The following TSPAN18 variants were observed in gnomAD, a reference collection of about 807,000 sequenced individuals.
TSPAN18 encodes tetraspanin-18.
In TSPAN18, 14 loss-of-function variants were observed where a neutral mutation model predicts 27.3. The observed-to-expected ratio is 0.51, with a 90% confidence interval of 0.34 to 0.80. The LOEUF is 0.80. TSPAN18 is among the 30% of genes least tolerant of loss of function. The pLI is 0.01. For synonymous variants in TSPAN18, 143 were observed against 136.5 expected (o/e 1.05, Z -0.33); for missense variants, 268 against 323.9 (o/e 0.83, Z 1.32).
At chr11:44,911,365 G>T (rs1370370941) in intron 5 of TSPAN18, among the ~76,000 whole-genome samples, 1 of 152,162 alleles carries the variant, frequency 6.6e-6, no homozygotes, top group Non-Finnish European at 1.5e-5. Flanking sequence ...GGCCCCATTT[G>T]TGTCCCGGTG....
chr11:44,734,178 A>C (rs1854732037), intron 1 of TSPAN18, among the ~76,000 whole-genome samples: 1 of 152,162 alleles, frequency 6.6e-6, no homozygotes, highest in South Asian at 2.1e-4. Context: ...CCTCTCCAGA[A>C]GCACATACTG....
chr11:44,912,558 C>T (rs1469213977), intron 5 of TSPAN18, among the ~76,000 whole-genome samples: 2 of 152,112 alleles, frequency 1.3e-5, no homozygotes, highest in African/African-American at 2.4e-5. Context: ...CTGGAATGGA[C>T]TCCAAAATTT....
At chr11:44,919,631 G>A in intron 7 of TSPAN18, 186 bp from the exon 8 acceptor site, 1 of 660,560 alleles carries the variant, frequency 1.5e-6, no homozygotes, top group Non-Finnish European at 2.7e-6. Flanking sequence ...CTGTTATAGA[G>A]ATGAGGACAC....
chr11:44,869,129 T>C (rs1020950343), intron 3 of TSPAN18, among the ~76,000 whole-genome samples: 1 of 152,208 alleles, frequency 6.6e-6, no homozygotes. Context: ...TCGAAGAAAG[T>C]GATCAGCAAG....
At position 44,904,608 on chromosome 11, in the gene TSPAN18, C is replaced by G. The variant is rs1859388954; in HGVS notation, c.-10-1799C>G. 2.6e-5 allele frequency among the ~76,000 whole-genome samples: 4 copies of G among 152,188 alleles called. No homozygotes were observed. In the South Asian group the frequency reaches 8.3e-4, roughly 32 times the overall value. ...GCTCCTCTCTCCATGGATTCAAATGCACTTAAAAACAAACAAACAAACAAA... is the reference window on the plus strand; with the variant it reads ...GCTCCTCTCTCCATGGATTCAAATGGACTTAAAAACAAACAAACAAACAAA... On this transcript the variant is annotated intron_variant, in intron 3 of 9. Transcript: ENST00000520358.
intron 4 of TSPAN18, among the ~76,000 whole-genome samples, chr11:44,908,742 GAA>G (rs1225417666): frequency 1.6e-5 from 1 of 64,182 alleles, no homozygotes; most frequent in Non-Finnish European, 3.2e-5. Flanking sequence ...AAAAAAGAAA[GAA>G]AGAGAGAGAG....
At position 44,807,221 on chromosome 11, in the gene TSPAN18, AAAAAAAAAAAAAAAAG is replaced by A. The variant is rs1565158395; in HGVS notation, c.-153+42712_-153+42727del. Among the ~76,000 whole-genome samples the A allele has an allele frequency of 6.9e-4, 17 of 24,536 alleles. 2 individuals are homozygous for A. Among genetic ancestry groups the A allele is most frequent in the Admixed American group, 2.9e-3 (5 of 1,718 alleles). 16.1% of individuals were successfully genotyped at this position (24,536 alleles called of 152,430 possible). ...AAAAAAAAAAAAAAAAAAAAAAAAAAAAAAAAAAAAAAAAAGAAGGAAAGAGGCCAGGCACCGTGGC... is the reference window on the plus strand; with the variant it reads ...AAAAAAAAAAAAAAAAAAAAAAAAAAAAGGAAAGAGGCCAGGCACCGTGGC... On this transcript the variant is annotated intron_variant, in intron 2 of 9. Transcript: ENST00000520358.
intron 3 of TSPAN18, among the ~76,000 whole-genome samples, chr11:44,875,054 G>A (rs1813156486): frequency 6.6e-6 from 1 of 152,216 alleles, no homozygotes; most frequent in African/African-American, 2.4e-5. Flanking sequence ...CCCCAGGGCT[G>A]GAGCAGCAGC....
chr11:44,886,227 G>A (rs970435579), intron 3 of TSPAN18: 1 of 152,226 alleles, frequency 6.6e-6, no homozygotes, highest in Non-Finnish European at 1.5e-5. Context: ...ATTCAGGCAG[G>A]AGGAGACGTG....
rs115008541 is a variant in TSPAN18 at position 44,884,762 on chromosome 11, C to T, written c.-10-21645C>T. ...TGCTCCAGATGAGGCTGCTGAGGCTCAGAGAGGTGCAGAGACTTGCCAGAA... is the reference window on the plus strand; with the variant it reads ...TGCTCCAGATGAGGCTGCTGAGGCTTAGAGAGGTGCAGAGACTTGCCAGAA... On this transcript the variant is annotated intron_variant, in intron 3 of 9. Coordinates refer to ENST00000520358, the MANE Select transcript of TSPAN18 (RefSeq NM_130783.5). 4.6e-3 allele frequency among the ~76,000 whole-genome samples: 700 copies of T among 152,294 alleles called. 10 individuals are homozygous for T. Among genetic ancestry groups the T allele is most frequent in the African/African-American group, 0.016 (668 of 41,556 alleles).
intron 2 of TSPAN18, among the ~76,000 whole-genome samples, chr11:44,835,568 A>G (rs1365035924): frequency 6.7e-6 from 1 of 149,596 alleles, no homozygotes; most frequent in African/African-American, 2.5e-5. Context: ...TCTGCAACCC[A>G]GCTTGGATCA....
intron 3 of TSPAN18, among the ~76,000 whole-genome samples, chr11:44,894,575 C>T (rs1858973719): frequency 6.6e-6 from 1 of 152,226 alleles, no homozygotes; most frequent in South Asian, 2.1e-4. Flanking sequence ...GCTGAGCCGC[C>T]ATCTGGGCGA....
At chr11:44,870,851 G>A (rs893921386) in intron 3 of TSPAN18, among the ~76,000 whole-genome samples, 1 of 152,166 alleles carries the variant, frequency 6.6e-6, no homozygotes, top group Non-Finnish European at 1.5e-5. Context: ...ACTCATCTTT[G>A]TATTGGGGTT....
Position 44,929,232 on chromosome 11 carries a change from A to C in TSPAN18, c.*54A>C. ...CCCCACCCACCACTGCCCAGCACCCAGTGTCCTCCCGTGCCCCTCCCCGCT... is the reference window on the plus strand; with the variant it reads ...CCCCACCCACCACTGCCCAGCACCCCGTGTCCTCCCGTGCCCCTCCCCGCT... On this transcript the variant is annotated 3_prime_UTR_variant, in exon 10 of 10. Coordinates refer to ENST00000520358, the MANE Select transcript of TSPAN18 (RefSeq NM_130783.5). 1 of 1,609,602 alleles carries C rather than the reference A, an allele frequency of 6.2e-7. No homozygotes were observed. The highest frequency in any genetic ancestry group is 8.5e-7 in the Non-Finnish European group (1 of 1,177,420).
chr11:44,755,803 C>T (rs1855319932), intron 1 of TSPAN18, among the ~76,000 whole-genome samples: 2 of 152,108 alleles, frequency 1.3e-5, no homozygotes, highest in South Asian at 2.1e-4. Context: ...TCCCTGAGGA[C>T]GCTGCTCCTT....
intron 3 of TSPAN18, among the ~76,000 whole-genome samples, chr11:44,894,367 C>T (rs1392184223): frequency 6.6e-6 from 1 of 152,194 alleles, no homozygotes; most frequent in East Asian, 1.9e-4. Context: ...CGTGCAAGCC[C>T]TTTCTCGGCT....
intron 1 of TSPAN18, among the ~76,000 whole-genome samples, chr11:44,728,015 G>C (rs1347494375): frequency 6.6e-6 from 1 of 152,224 alleles, no homozygotes; most frequent in East Asian, 1.9e-4. Flanking sequence ...CTCCCGCCAG[G>C]GGGCGCACTG....
chr11:44,827,618 A>G (rs1009272337), intron 2 of TSPAN18, among the ~76,000 whole-genome samples: 2 of 152,208 alleles, frequency 1.3e-5, no homozygotes, highest in African/African-American at 4.8e-5. Context: ...CCTTAGCCTG[A>G]ACTCAGGTTA....
chr11:44,759,916 G>A (rs1855413556), intron 1 of TSPAN18, among the ~76,000 whole-genome samples: 1 of 152,172 alleles, frequency 6.6e-6, no homozygotes, highest in African/African-American at 2.4e-5. Flanking sequence ...AGAGTGGGAA[G>A]GTTTCACAAA....
Sources: gnomAD v4.1 joint callset for allele counts (sites outside exome capture counted in the v4.1 genomes callset) on GRCh38, gnomAD v4.1.1 for gene constraint, MANE v1.5 for transcripts, NCBI Gene and HGNC (gene_info 2026-07-23, HGNC 2026-07-21) for gene names.